Variants in FBXL20 observed in about 807,000 individuals in gnomAD.
FBXL20 encodes F-box/LRR-repeat protein 20.
Under a neutral mutation model 64.0 loss-of-function variants are expected in FBXL20, and 11 were observed. The ratio of observed to expected loss-of-function variants is 0.17; its 90% CI spans 0.11 to 0.28. The LOEUF (loss-of-function observed/expected upper bound fraction) is 0.28, where lower values mean the gene tolerates loss of function less well. Among genes scored for constraint, FBXL20 ranks in the 10% least tolerant of loss-of-function variants. The probability of loss-of-function intolerance (pLI) is 1.00; values close to 1 mark genes in which losing one functional copy is unlikely to be tolerated. For synonymous variants in FBXL20, 184 were observed against 189.0 expected, an observed-to-expected ratio of 0.97 and a Z score of 0.22; for missense variants, 303 against 526.2, an observed-to-expected ratio of 0.58 and a Z score of 4.15.
intron 9 of FBXL20, among the ~76,000 whole-genome samples, chr17:39,279,773 C>T (rs915731603): frequency 6.6e-6 from 1 of 152,084 alleles, no homozygotes; most frequent in Admixed American, 6.6e-5. Context: ...TGGCACATGT[C>T]TGTAGTCCCA....
intron 1 of FBXL20, among the ~76,000 whole-genome samples, chr17:39,388,135 A>G (rs2048100140): frequency 6.6e-6 from 1 of 151,954 alleles, no homozygotes; most frequent in Non-Finnish European, 1.5e-5. Context: ...AAATGGTATT[A>G]TTTTTTCTTG....
chr17:39,370,730 G>C (rs1371975912), intron 1 of FBXL20, among the ~76,000 whole-genome samples: 3 of 150,466 alleles, frequency 2.0e-5, no homozygotes, highest in Admixed American at 6.6e-5. Context: ...GGGAGGCGGA[G>C]CTTGCAGTGA....
At chr17:39,315,643 T>C (rs778022554) in intron 2 of FBXL20, among the ~76,000 whole-genome samples, 6 of 151,630 alleles carry the variant, frequency 4.0e-5, no homozygotes, top group South Asian at 2.1e-4. Flanking sequence ...GCAGGGTGAA[T>C]GGGCAGCCTT....
chr17:39,286,222 T>G (rs560945721), intron 6 of FBXL20, among the ~76,000 whole-genome samples: 30 of 152,316 alleles, frequency 2.0e-4, no homozygotes, highest in Non-Finnish European at 3.8e-4. Context: ...TTATCAATAC[T>G]GTTTTTCTTT....
intron 1 of FBXL20, among the ~76,000 whole-genome samples, chr17:39,389,022 T>G (rs2048110488): frequency 7.0e-6 from 1 of 142,422 alleles, no homozygotes; most frequent in South Asian, 2.2e-4. Context: ...GAGAATCGCT[T>G]GAACCCGGGA....
chr17:39,302,586 G>T (rs1196594533), intron 3 of FBXL20, among the ~76,000 whole-genome samples: 4 of 152,154 alleles, frequency 2.6e-5, no homozygotes, highest in African/African-American at 9.7e-5. Context: ...TGTTAGCCAG[G>T]AGGGTCTCTA....
chr17:39,299,250 CT>C (rs2047113126), intron 4 of FBXL20, among the ~76,000 whole-genome samples, 166 bp from the exon 5 acceptor site: 1 of 152,146 alleles, frequency 6.6e-6, no homozygotes, highest in South Asian at 2.1e-4. Context: ...TGATTAACCC[CT>C]ATCATTTGCA....
intron 2 of FBXL20, among the ~76,000 whole-genome samples, chr17:39,317,982 G>A (rs757242318): frequency 6.6e-6 from 1 of 152,102 alleles, no homozygotes; most frequent in Non-Finnish European, 1.5e-5. Context: ...TTACAGGCGT[G>A]AGCCACCGCT....
intron 14 of FBXL20, among the ~76,000 whole-genome samples, chr17:39,262,724 C>T (rs951474875): frequency 1.3e-5 from 2 of 151,538 alleles, no homozygotes; most frequent in Non-Finnish European, 2.9e-5. Context: ...TTCGGCCGGG[C>T]GCAGTGGCTC....
At chr17:39,376,098 G>A (rs1394575547) in intron 1 of FBXL20, among the ~76,000 whole-genome samples, 4 of 152,010 alleles carry the variant, frequency 2.6e-5, no homozygotes, top group Non-Finnish European at 2.9e-5. Context: ...CAGCCTGGGC[G>A]ACAGTGTGAG....
At position 39,316,928 on chromosome 17, in the gene FBXL20, G is replaced by C. The variant is rs907149529; in HGVS notation, c.105-13289C>G. Among the ~76,000 whole-genome samples the C allele has an allele frequency of 2.0e-5, 3 of 152,362 alleles. No individual in the cohort carries two copies. The East Asian group carries it at 5.8e-4, about 29-fold the overall frequency. The stretch of plus-strand genomic sequence containing the variant: ...CACTTGAACCTGGGAGGCGGAGGTT[G>C]CAGTGAGCGGAGATTGCGCCACTGT... On this transcript the variant is annotated intron_variant, in intron 2 of 14. Coordinates refer to ENST00000264658, the MANE Select transcript of FBXL20 (RefSeq NM_032875.3).
At chr17:39,283,026 T>TG (rs1195317583) in intron 7 of FBXL20, among the ~76,000 whole-genome samples, 171 bp from the exon 8 acceptor site, 12 of 152,240 alleles carry the variant, frequency 7.9e-5, no homozygotes, top group Non-Finnish European at 1.6e-4. Context: ...GGTATTCACA[T>TG]GGGACTATAC....
chr17:39,300,918 T>C lies in FBXL20; in HGVS notation c.234+83A>G, dbSNP rs930161172. ...TAATAGTTCCTCTCTTTAACGAAAATGAGATTAATATGGCTAGGGCTAATC... is the reference window on the plus strand; with the variant it reads ...TAATAGTTCCTCTCTTTAACGAAAACGAGATTAATATGGCTAGGGCTAATC... On this transcript the variant is annotated intron_variant, in intron 4 of 14. Coordinates refer to ENST00000264658, the MANE Select transcript of FBXL20 (RefSeq NM_032875.3). The C allele has an allele frequency of 3.1e-6, 4 of 1,299,350 alleles. No homozygotes were observed. The African/African-American group carries it at 5.9e-5, about 19-fold the overall frequency. 80.5% of individuals were successfully genotyped at this position (1,299,350 alleles called of 1,614,324 possible).
rs150970676 is a variant in FBXL20, at chr17:39,389,800, A to G, written c.42+11561T>C. 7.3e-4 allele frequency among the ~76,000 whole-genome samples: 111 copies of G among 152,326 alleles called. 2 individuals carry two copies. In the East Asian group the frequency reaches 0.015, roughly 20 times the overall value. ...ACCACTGAACTCCAGCCTAGGTGAC[A>G]GAGTGAGACTCTGTCTCTAAATAAA... On this transcript the variant is annotated intron_variant, in intron 1 of 14. Coordinates refer to ENST00000264658, the MANE Select transcript of FBXL20 (RefSeq NM_032875.3).
In FBXL20 at chr17:39,299,250, C is replaced by G. The variant is rs543424378; in HGVS notation, c.235-166G>C. Reference sequence around the variant, plus strand: ...CTGAGAAAGCTTTCCTGATTAACCCCTATCATTTGCATCATGCCTAAACCC... The same window carrying G: ...CTGAGAAAGCTTTCCTGATTAACCCGTATCATTTGCATCATGCCTAAACCC... On this transcript the variant is annotated intron_variant, in intron 4 of 14. Coordinates refer to ENST00000264658, the MANE Select transcript of FBXL20 (RefSeq NM_032875.3). 6.6e-5 allele frequency among the ~76,000 whole-genome samples: 10 copies of G among 152,264 alleles called. No individual in the cohort carries two copies. In the South Asian group the frequency reaches 2.1e-3, roughly 32 times the overall value.
At chr17:39,329,527 A>T (rs1412965319) in intron 2 of FBXL20, among the ~76,000 whole-genome samples, 1 of 152,166 alleles carries the variant, frequency 6.6e-6, no homozygotes, top group Admixed American at 6.5e-5. Flanking sequence ...ACATAACAGT[A>T]CTGTGCCAAT....
upstream of FBXL20, chr17:39,402,246 G>C (rs778222198): frequency 8.3e-7 from 1 of 1,210,044 alleles, no homozygotes; most frequent in African/African-American, 1.8e-5. Context: ...GATGTGTCTA[G>C]ATTGGGGCAG....
At chr17:39,354,407 C>T (rs772697151) in intron 1 of FBXL20, among the ~76,000 whole-genome samples, 41 of 152,318 alleles carry the variant, frequency 2.7e-4, no homozygotes, top group Non-Finnish European at 4.3e-4. Context: ...ATGTCCTTCT[C>T]AATCTCGTTA....
chr17:39,321,306 G>C (rs896198305), intron 2 of FBXL20, among the ~76,000 whole-genome samples: 5 of 150,778 alleles, frequency 3.3e-5, no homozygotes, highest in Non-Finnish European at 7.4e-5. Context: ...ACAAAAATTA[G>C]CCGGGCACGG....
Sources: allele counts gnomAD v4.1 joint callset (sites outside exome capture counted in the v4.1 genomes callset), GRCh38; gene constraint gnomAD v4.1.1; transcripts MANE v1.5; gene names NCBI Gene and HGNC (gene_info 2026-07-23, HGNC 2026-07-21).